Variants in MAP2K4 observed in about 807,000 individuals in gnomAD.
MAP2K4 encodes the protein dual specificity mitogen-activated protein kinase kinase 4.
Under a neutral mutation model 48.5 loss-of-function variants are expected in MAP2K4, and 4 were observed. That is an observed-to-expected ratio of 0.08 (90% CI 0.04 to 0.19). The LOEUF (loss-of-function observed/expected upper bound fraction) is 0.19, where lower values mean the gene tolerates loss of function less well. Among genes scored for constraint, MAP2K4 ranks in the 10% least tolerant of loss-of-function variants. The pLI is 1.00. For synonymous variants in MAP2K4, 166 were observed against 173.1 expected, an observed-to-expected ratio of 0.96 and a Z score of 0.32; for missense variants, 258 against 493.3, an observed-to-expected ratio of 0.52 and a Z score of 4.52.
intron 1 of MAP2K4, chr17:12,036,488 G>C (rs1479143929): frequency 6.6e-6 from 1 of 151,990 alleles, no homozygotes; most frequent in Non-Finnish European, 1.5e-5. Context: ...TATTTTTCGA[G>C]GAGGGATGAG....
intron 1 of MAP2K4, among the ~76,000 whole-genome samples, chr17:12,035,152 G>C (rs1225152601): frequency 6.6e-6 from 1 of 152,200 alleles, no homozygotes; most frequent in Non-Finnish European, 1.5e-5. Context: ...TGTAATGTTT[G>C]CAGACAATCT....
intron 3 of MAP2K4, among the ~76,000 whole-genome samples, chr17:12,088,440 TATA>T (rs929225382): frequency 4.2e-5 from 4 of 94,636 alleles, no homozygotes; most frequent in African/African-American, 1.4e-4. Flanking sequence ...ATATATTACA[TATA>T]ATATATATTA....
chr17:12,046,777 G>A (rs1969977334), intron 1 of MAP2K4, among the ~76,000 whole-genome samples: 1 of 152,108 alleles, frequency 6.6e-6, no homozygotes, highest in Non-Finnish European at 1.5e-5. Context: ...TTTGGGAGCT[G>A]CATTCCATGA....
At chr17:12,117,715 G>A (rs1311840548) in intron 7 of MAP2K4, among the ~76,000 whole-genome samples, 3 of 152,138 alleles carry the variant, frequency 2.0e-5, no homozygotes, top group Admixed American at 2.0e-4. Context: ...GGGATAAAGG[G>A]GAAGTGTTTA....
At chr17:12,057,020 A>G (rs1254005152) in intron 2 of MAP2K4, among the ~76,000 whole-genome samples, 1 of 152,180 alleles carries the variant, frequency 6.6e-6, no homozygotes. Flanking sequence ...TGAAGTTAAG[A>G]TATGTCACAG....
chr17:12,089,163 C>T (rs764087747), intron 3 of MAP2K4, among the ~76,000 whole-genome samples: 7 of 152,198 alleles, frequency 4.6e-5, no homozygotes, highest in Non-Finnish European at 8.8e-5. Flanking sequence ...CCACCTGCCT[C>T]GGCCTCCTAA....
At chr17:12,044,301 G>T (rs1199031672) in intron 1 of MAP2K4, among the ~76,000 whole-genome samples, 2 of 152,162 alleles carry the variant, frequency 1.3e-5, no homozygotes, top group African/African-American at 4.8e-5. Context: ...TCGTGAAAAG[G>T]ATGAACATGG....
In MAP2K4 at chr17:12,075,062, T is replaced by C. The variant is rs114420848; in HGVS notation, c.219-6294T>C. On this transcript the variant is annotated intron_variant, in intron 2 of 10. Transcript: ENST00000353533. ...GAGATGGAAACAGGAATTGTGGAAC[T>C]AGGGAATAATATCTTGAAGACTTTG... Among the ~76,000 whole-genome samples the C allele has an allele frequency of 3.5e-3, 527 of 152,344 alleles. 3 individuals carry two copies. The highest frequency in any genetic ancestry group is 0.012 in the African/African-American group (504 of 41,568).
At chr17:12,049,472 G>GT (rs1229710377) in intron 1 of MAP2K4, among the ~76,000 whole-genome samples, 1 of 152,190 alleles carries the variant, frequency 6.6e-6, no homozygotes, top group African/African-American at 2.4e-5. Context: ...AAGAGCAACT[G>GT]TTTAATTTTT....
chr17:12,054,575 C>T (rs1297460066), intron 1 of MAP2K4, among the ~76,000 whole-genome samples: 1 of 152,026 alleles, frequency 6.6e-6, no homozygotes, highest in Non-Finnish European at 1.5e-5. Flanking sequence ...AGTATATCTA[C>T]TGAGATAATT....
At chr17:12,123,170 A>G (rs1451902815) in intron 7 of MAP2K4, among the ~76,000 whole-genome samples, 3 of 152,162 alleles carry the variant, frequency 2.0e-5, no homozygotes, top group African/African-American at 7.2e-5. Context: ...TTTGAAAAAA[A>G]AATTTGTGTA....
chr17:12,129,838 G>C (rs529964531), intron 9 of MAP2K4, among the ~76,000 whole-genome samples: 1 of 152,248 alleles, frequency 6.6e-6, no homozygotes, highest in South Asian at 2.1e-4. Flanking sequence ...ACCTGTTGTT[G>C]TTTGTCTACC....
intron 1 of MAP2K4, among the ~76,000 whole-genome samples, chr17:12,044,139 C>G (rs1162304953): frequency 6.6e-6 from 1 of 152,104 alleles, no homozygotes; most frequent in Admixed American, 6.6e-5. Context: ...AAACCTGGGA[C>G]AAAGGCAAAA....
chr17:12,052,717 G>C (rs555715407), intron 1 of MAP2K4, among the ~76,000 whole-genome samples: 6 of 152,146 alleles, frequency 3.9e-5, no homozygotes, highest in Admixed American at 6.6e-5. Flanking sequence ...CTCAGTTTTT[G>C]ATTTGAGGAG....
At position 12,141,501 on chromosome 17, in the gene MAP2K4, C is replaced by T. The variant is rs868621549; in HGVS notation, c.*241C>T. The T allele has an allele frequency of 4.0e-6, 2 of 502,118 alleles. No individual in the cohort carries two copies. The highest frequency in any genetic ancestry group is 3.1e-5 in the East Asian group (1 of 32,066). The allele number at this position is 502,118 out of a possible 1,614,324, so 31.1% of individuals were successfully genotyped here. A position where few individuals can be genotyped will look rare whatever the true frequency, so the allele number is the denominator to read the frequency against. The stretch of plus-strand genomic sequence containing the variant: ...CCTCATCCTGCTCTTTTGTGATGAA[C>T]ATATTCATGAAATGTGGAAGTCAGT... On this transcript the variant is annotated 3_prime_UTR_variant, in exon 11 of 11. Transcript: ENST00000353533.
At chr17:12,095,320 C>T in intron 3 of MAP2K4, 3 of 467,866 alleles carry the variant, frequency 6.4e-6, no homozygotes, top group Non-Finnish European at 7.8e-6. Flanking sequence ...TAACTCCCAA[C>T]ATTATTAGTA....
At chr17:12,051,152 C>T (rs1320165586) in intron 1 of MAP2K4, among the ~76,000 whole-genome samples, 1 of 152,142 alleles carries the variant, frequency 6.6e-6, no homozygotes, top group Non-Finnish European at 1.5e-5. Flanking sequence ...ATTTTCCCAG[C>T]ATGTTGAACA....
chr17:12,076,311 G>GTGTA (rs1971004851), intron 2 of MAP2K4, among the ~76,000 whole-genome samples: 1 of 151,216 alleles, frequency 6.6e-6, no homozygotes, highest in Non-Finnish European at 1.5e-5. Context: ...GTGTGTGTGT[G>GTGTA]TGTGTGTGTG....
At chr17:12,024,943 T>C (rs1486635823) in intron 1 of MAP2K4, among the ~76,000 whole-genome samples, 1 of 152,124 alleles carries the variant, frequency 6.6e-6, no homozygotes, top group Non-Finnish European at 1.5e-5. Flanking sequence ...TAATCTTAGA[T>C]ATGTATAGCA....
Sources: allele counts gnomAD v4.1 joint callset (sites outside exome capture counted in the v4.1 genomes callset), GRCh38; gene constraint gnomAD v4.1.1; transcripts MANE v1.5; gene names NCBI Gene and HGNC (gene_info 2026-07-23, HGNC 2026-07-21).